Variants in PITPNC1 observed in about 807,000 individuals in gnomAD.
PITPNC1 encodes cytoplasmic phosphatidylinositol transfer protein 1.
In PITPNC1, 18 loss-of-function variants were observed where a neutral mutation model predicts 44.7. The observed-to-expected ratio is 0.40, with a 90% CI of 0.28 to 0.60. PITPNC1 has a LOEUF of 0.60. Among genes scored for constraint, PITPNC1 ranks in the 20% least tolerant of loss-of-function variants. PITPNC1 has a pLI of 0.39. For synonymous variants in PITPNC1, 141 were observed against 149.6 expected, an observed-to-expected ratio of 0.94 and a Z score of 0.42; for missense variants, 290 against 418.4, an observed-to-expected ratio of 0.69 and a Z score of 2.68.
At chr17:67,502,119 A>T (rs775033693) in intron 1 of PITPNC1, among the ~76,000 whole-genome samples, 9 of 152,024 alleles carry the variant, frequency 5.9e-5, no homozygotes, top group African/African-American at 7.2e-5. Context: ...CGTGTTCTGC[A>T]CTCTGAAGAC....
intron 1 of PITPNC1, among the ~76,000 whole-genome samples, chr17:67,382,160 G>C (rs932898419): frequency 6.6e-6 from 1 of 152,166 alleles, no homozygotes; most frequent in African/African-American, 2.4e-5. Flanking sequence ...GCACTATCAA[G>C]TAAATGAAAA....
chr17:67,406,943 G>A (rs1216940898), intron 1 of PITPNC1, among the ~76,000 whole-genome samples: 1 of 152,184 alleles, frequency 6.6e-6, no homozygotes, highest in African/African-American at 2.4e-5. Context: ...GGACATTTGG[G>A]TTGTTTCCAG....
At chr17:67,503,850 C>T (rs984839557) in intron 1 of PITPNC1, among the ~76,000 whole-genome samples, 7 of 152,096 alleles carry the variant, frequency 4.6e-5, no homozygotes, top group Admixed American at 1.3e-4. Flanking sequence ...TTTCTTTACG[C>T]GATATGAGTT....
chr17:67,549,275 G>A (rs1250560898), intron 2 of PITPNC1, among the ~76,000 whole-genome samples: 1 of 152,134 alleles, frequency 6.6e-6, no homozygotes, highest in Non-Finnish European at 1.5e-5. Flanking sequence ...TCAACATGGC[G>A]AAACCCTGTC....
chr17:67,697,150 CTG>C lies in PITPNC1; in HGVS notation c.*4266_*4267del, dbSNP rs571549880. 233 of 151,168 alleles carry C rather than the reference CTG, an allele frequency of 1.5e-3. No individual in the cohort carries two copies. The highest frequency in any genetic ancestry group is 5.4e-3 in the African/African-American group (224 of 41,124). The allele number at this position is 151,168 out of a possible 1,614,324, so 9.4% of individuals were successfully genotyped here. On this transcript the variant is annotated 3_prime_UTR_variant, in exon 9 of 9. Coordinates refer to ENST00000581322, the MANE Select transcript of PITPNC1 (RefSeq NM_012417.4). ...GTTGATCCTTACATATGCCATCCTT[CTG>C]TGTCATTTTGTGGCTGTTCTGTGTT...
At chr17:67,656,459 A>G (rs1240362909) in intron 6 of PITPNC1, among the ~76,000 whole-genome samples, 1 of 152,166 alleles carries the variant, frequency 6.6e-6, no homozygotes, top group Admixed American at 6.5e-5. Context: ...GCATGATCTC[A>G]TCTCAAGACC....
intron 1 of PITPNC1, among the ~76,000 whole-genome samples, chr17:67,400,796 T>C (rs1403444227): frequency 6.7e-6 from 1 of 150,064 alleles, no homozygotes; most frequent in East Asian, 1.9e-4. Flanking sequence ...CATATAACTA[T>C]ATATAATAAA....
At chr17:67,446,552 T>C (rs1242577325) in intron 1 of PITPNC1, among the ~76,000 whole-genome samples, 2 of 150,438 alleles carry the variant, frequency 1.3e-5, no homozygotes, top group East Asian at 2.0e-4. Context: ...CTACGAGAAA[T>C]AGAACAGAGT....
chr17:67,553,172 TCCTGCC>T (rs1205390682), intron 3 of PITPNC1: 1 of 153,480 alleles, frequency 6.5e-6, no homozygotes, highest in Non-Finnish European at 1.4e-5. Context: ...AAGGTTTGGT[TCCTGCC>T]CTCAAACACA....
At chr17:67,456,587 A>G (rs1465697475) in intron 1 of PITPNC1, among the ~76,000 whole-genome samples, 1 of 151,960 alleles carries the variant, frequency 6.6e-6, no homozygotes, top group African/African-American at 2.4e-5. Context: ...TTCAATGTGT[A>G]TACTTAAATA....
intron 1 of PITPNC1, among the ~76,000 whole-genome samples, chr17:67,465,644 G>T (rs2039415368): frequency 6.6e-6 from 1 of 152,100 alleles, no homozygotes; most frequent in Non-Finnish European, 1.5e-5. Flanking sequence ...ATCTGTATAA[G>T]GTGGAATAGG....
intron 7 of PITPNC1, among the ~76,000 whole-genome samples, chr17:67,670,308 C>T (rs2042492265): frequency 6.6e-6 from 1 of 152,196 alleles, no homozygotes; most frequent in Admixed American, 6.5e-5. Flanking sequence ...AAGGGCTTAT[C>T]TGTGAGCACA....
chr17:67,516,487 G>C (rs1208200774), intron 1 of PITPNC1, among the ~76,000 whole-genome samples: 1 of 152,170 alleles, frequency 6.6e-6, no homozygotes, highest in Non-Finnish European at 1.5e-5. Flanking sequence ...ACCTATAGAA[G>C]CCAGGGCTCT....
intron 8 of PITPNC1, among the ~76,000 whole-genome samples, chr17:67,681,268 G>GCCAC (rs2042699584): frequency 1.3e-5 from 2 of 152,108 alleles, no homozygotes. Context: ...AATATTTGCT[G>GCCAC]CATATGTAGT....
intron 6 of PITPNC1, among the ~76,000 whole-genome samples, chr17:67,637,499 C>T (rs1369797761): frequency 6.6e-6 from 1 of 152,176 alleles, no homozygotes; most frequent in Non-Finnish European, 1.5e-5. Context: ...TACTGTTGCA[C>T]ACACACACGG....
intron 4 of PITPNC1, among the ~76,000 whole-genome samples, chr17:67,562,806 C>A (rs1239921727): frequency 6.6e-6 from 1 of 152,174 alleles, no homozygotes; most frequent in Non-Finnish European, 1.5e-5. Flanking sequence ...TATTAAAGAT[C>A]TTCTGTGCAC....
chr17:67,469,382 C>G (rs1357769844), intron 1 of PITPNC1, among the ~76,000 whole-genome samples: 2 of 152,176 alleles, frequency 1.3e-5, no homozygotes, highest in African/African-American at 4.8e-5. Context: ...CCCTCAGCAC[C>G]GTATCACTCC....
chr17:67,579,247 T>C (rs2041193343), intron 5 of PITPNC1, among the ~76,000 whole-genome samples: 4 of 152,244 alleles, frequency 2.6e-5, no homozygotes, highest in Admixed American at 2.6e-4. Context: ...AGTAAATTTC[T>C]AACTTCTCTT....
chr17:67,427,098 T>G (rs1452602949), intron 1 of PITPNC1, among the ~76,000 whole-genome samples: 1 of 152,230 alleles, frequency 6.6e-6, no homozygotes, highest in East Asian at 1.9e-4. Context: ...TGATTGGCCC[T>G]GGAGGAGTTC....
Sources: allele counts gnomAD v4.1 joint callset (sites outside exome capture counted in the v4.1 genomes callset), GRCh38; gene constraint gnomAD v4.1.1; transcripts MANE v1.5; gene names NCBI Gene and HGNC (gene_info 2026-07-23, HGNC 2026-07-21).